KIAA1328: variants seen among roughly 807,000 people sequenced by gnomAD.
The protein encoded by KIAA1328 is KIAA1328, also known as protein hinderin.
In KIAA1328, 52 loss-of-function variants were observed where a neutral mutation model predicts 68.1. That is an observed-to-expected ratio of 0.76 (90% CI 0.61 to 0.96). The LOEUF (loss-of-function observed/expected upper bound fraction) is 0.96, where lower values mean the gene tolerates loss of function less well. Among genes scored for constraint, KIAA1328 ranks in the 40% least tolerant of loss-of-function variants. The pLI, the probability that KIAA1328 is intolerant of heterozygous loss-of-function variation, is 0.00. For missense variants in KIAA1328, 641 were observed against 677.6 expected, an observed-to-expected ratio of 0.95 and a Z score of 0.60; for synonymous variants, 232 against 239.4, an observed-to-expected ratio of 0.97 and a Z score of 0.28.
chr18:36,906,329 T>G (rs1223329820), intron 5 of KIAA1328, among the ~76,000 whole-genome samples: 1 of 152,178 alleles, frequency 6.6e-6, no homozygotes, highest in African/African-American at 2.4e-5. Context: ...CAATATATTC[T>G]ATGCTTCACC....
intron 6 of KIAA1328, among the ~76,000 whole-genome samples, chr18:36,977,580 A>G (rs1036261538): frequency 6.6e-6 from 1 of 152,092 alleles, no homozygotes; most frequent in Non-Finnish European, 1.5e-5. Context: ...TCAGGGCACT[A>G]TCTCATAGAG....
At chr18:36,934,477 C>T (rs1179041898) in intron 5 of KIAA1328, among the ~76,000 whole-genome samples, 1 of 152,006 alleles carries the variant, frequency 6.6e-6, no homozygotes, top group Non-Finnish European at 1.5e-5. Flanking sequence ...CACCCCACAA[C>T]AGTCCCCAGA....
At chr18:37,161,342 T>C (rs1363011056) in intron 8 of KIAA1328, among the ~76,000 whole-genome samples, 1 of 152,214 alleles carries the variant, frequency 6.6e-6, no homozygotes, top group Non-Finnish European at 1.5e-5. Flanking sequence ...ACTAGCTCTG[T>C]CATGCTTTTT....
chr18:37,048,879 C>T (rs1018871650), intron 6 of KIAA1328, among the ~76,000 whole-genome samples: 8 of 152,188 alleles, frequency 5.3e-5, no homozygotes, highest in African/African-American at 1.9e-4. Flanking sequence ...GCTGTTGCTG[C>T]TCCTGCTTCC....
chr18:37,020,763 T>C (rs2054317023), intron 6 of KIAA1328, among the ~76,000 whole-genome samples: 1 of 152,178 alleles, frequency 6.6e-6, no homozygotes, highest in Non-Finnish European at 1.5e-5. Flanking sequence ...CTTTCAGATA[T>C]CATCTGCTCG....
chr18:37,189,625 C>T (rs2059867224), intron 9 of KIAA1328, among the ~76,000 whole-genome samples: 1 of 152,198 alleles, frequency 6.6e-6, no homozygotes, highest in African/African-American at 2.4e-5. Flanking sequence ...GTCCCCAAGT[C>T]AGGTTTAAAG....
chr18:36,873,397 T>C (rs2048012976), intron 4 of KIAA1328, among the ~76,000 whole-genome samples: 1 of 152,204 alleles, frequency 6.6e-6, no homozygotes, highest in South Asian at 2.1e-4. Context: ...GGGCCTCTCC[T>C]TGTGGTGGCT....
chr18:36,898,675 T>C (rs899002818), intron 5 of KIAA1328, among the ~76,000 whole-genome samples: 3 of 152,004 alleles, frequency 2.0e-5, no homozygotes, highest in Non-Finnish European at 4.4e-5. Context: ...CCGCAGATTA[T>C]AGGGAGCCAC....
In KIAA1328 at chr18:37,155,679, G is replaced by A. The variant is rs1003084833; in HGVS notation, c.1233-4521G>A. Among the ~76,000 whole-genome samples, 7 of 152,162 alleles carry A rather than the reference G, an allele frequency of 4.6e-5. No homozygotes were observed. The South Asian group carries it at 1.0e-3, about 23-fold the overall frequency. ...GGATCATATCATTTTTCTCCTGAGA[G>A]CCTTTCAGTGACTCCACCTTGGCCA... On this transcript the variant is annotated intron_variant, in intron 7 of 9. Coordinates refer to ENST00000280020, the MANE Select transcript of KIAA1328 (RefSeq NM_020776.3).
Position 37,196,668 on chromosome 18 carries a change from A to C in KIAA1328, c.1523+23587A>C, listed in dbSNP as rs80168487. Among the ~76,000 whole-genome samples the C allele has an allele frequency of 4.4e-3, 672 of 151,944 alleles. 41 individuals are homozygous for C. In the East Asian group the frequency reaches 0.11, roughly 25 times the overall value. ...ATCATGGTGAATGATATTTTTAATG[A>C]ATTCTGTTTGCTAGTATTTGTTAAG... On this transcript the variant is annotated intron_variant, in intron 9 of 9. Transcript: ENST00000280020.
At chr18:36,993,405 A>C (rs1024685362) in intron 6 of KIAA1328, among the ~76,000 whole-genome samples, 1 of 152,238 alleles carries the variant, frequency 6.6e-6, no homozygotes, top group Non-Finnish European at 1.5e-5. Flanking sequence ...AAAGCATGGA[A>C]GATCCAATCT....
intron 6 of KIAA1328, among the ~76,000 whole-genome samples, chr18:36,976,923 C>T (rs542358769): frequency 1.3e-5 from 2 of 152,246 alleles, no homozygotes; most frequent in African/African-American, 2.4e-5. Flanking sequence ...TTCAATTTTT[C>T]TAAGTAAATT....
chr18:37,219,768 G>C (rs950273056), intron 9 of KIAA1328, among the ~76,000 whole-genome samples: 1 of 152,180 alleles, frequency 6.6e-6, no homozygotes, highest in South Asian at 2.1e-4. Flanking sequence ...GAAGTCCCCC[G>C]ACCCCTTGCG....
chr18:37,062,880 C>T (rs1373287714), intron 6 of KIAA1328, among the ~76,000 whole-genome samples: 1 of 152,050 alleles, frequency 6.6e-6, no homozygotes, highest in Non-Finnish European at 1.5e-5. Context: ...TTTATAGTGC[C>T]GTGTAACAGA....
chr18:37,096,553 T>G (rs2151850128), intron 7 of KIAA1328, among the ~76,000 whole-genome samples: 1 of 152,372 alleles, frequency 6.6e-6, no homozygotes, highest in East Asian at 1.9e-4. Context: ...TGCATGTGTC[T>G]TTATAGCAGC....
rs1392315893 is a variant in KIAA1328 at position 36,906,691 on chromosome 18, CATTT to C, written c.448+21023_448+21026del. Among the ~76,000 whole-genome samples the C allele has an allele frequency of 3.9e-5, 6 of 152,120 alleles. No individual in the cohort carries two copies. In the South Asian group the frequency reaches 1.0e-3, roughly 26 times the overall value. On this transcript the variant is annotated intron_variant, in intron 5 of 9. Transcript: ENST00000280020. ...ATGCAGTGTGTAATAATAATGCACT[CATTT>C]ATTAAAGCACATCTTGGTTGCTTTT...
chr18:36,918,795 T>C (rs546004808), intron 5 of KIAA1328, among the ~76,000 whole-genome samples: 1 of 152,172 alleles, frequency 6.6e-6, no homozygotes, highest in East Asian at 1.9e-4. Context: ...AATTATGAAG[T>C]ACTATATTTG....
rs72887075 is a variant in KIAA1328 at position 36,920,428 on chromosome 18, G to A, written c.448+34756G>A. Among the ~76,000 whole-genome samples, 652 of 152,040 alleles carry A rather than the reference G, an allele frequency of 4.3e-3. 3 individuals are homozygous for A. The highest frequency in any genetic ancestry group is 7.2e-3 in the Non-Finnish European group (490 of 67,942). On this transcript the variant is annotated intron_variant, in intron 5 of 9. Transcript: ENST00000280020. ...TCTATGTGTCTTTTTTTTTGTGCCA[G>A]TACTGTGCCATTTTGGTTACTATAG...
chr18:37,070,796 T>G (rs567181184), intron 7 of KIAA1328, among the ~76,000 whole-genome samples: 1 of 152,232 alleles, frequency 6.6e-6, no homozygotes, highest in South Asian at 2.1e-4. Flanking sequence ...CAGGCTGGTC[T>G]CGAACTGCTA....
Sources: allele counts gnomAD v4.1 joint callset (sites outside exome capture counted in the v4.1 genomes callset), GRCh38; gene constraint gnomAD v4.1.1; transcripts MANE v1.5; gene names NCBI Gene and HGNC (gene_info 2026-07-23, HGNC 2026-07-21).